Variants in PTPRR observed in about 807,000 individuals in gnomAD.
PTPRR encodes the protein protein tyrosine phosphatase receptor type R.
A neutral mutation model predicts 77.2 loss-of-function variants in PTPRR; 38 were observed. That is an observed-to-expected ratio of 0.49 (90% confidence interval 0.38 to 0.65). PTPRR has a LOEUF of 0.65. PTPRR is among the 30% of genes least tolerant of loss of function. PTPRR has a pLI of 0.00. For synonymous variants in PTPRR, 299 were observed against 283.1 expected (o/e 1.06, Z -0.57); for missense variants, 744 against 799.2 (o/e 0.93, Z 0.83).
chr12:70,670,821 C>G (rs1205370732), intron 10 of PTPRR, among the ~76,000 whole-genome samples: 2 of 152,186 alleles, frequency 1.3e-5, no homozygotes, highest in African/African-American at 2.4e-5. Flanking sequence ...GAGGAATTCC[C>G]TTTCTCTTGA....
At chr12:70,665,438 G>C (rs1886954984) in intron 10 of PTPRR, among the ~76,000 whole-genome samples, 1 of 118,732 alleles carries the variant, frequency 8.4e-6, no homozygotes, top group Non-Finnish European at 1.6e-5. Context: ...TTGGAGTGCA[G>C]TGGCACAATG....
chr12:70,741,090 A>G (rs1233343634), intron 6 of PTPRR, among the ~76,000 whole-genome samples: 1 of 152,194 alleles, frequency 6.6e-6, no homozygotes, highest in Non-Finnish European at 1.5e-5. Context: ...AGTGTTTCCC[A>G]GTAACTGCTG....
intron 2 of PTPRR, among the ~76,000 whole-genome samples, chr12:70,872,481 G>C (rs980313657): frequency 3.3e-5 from 5 of 151,816 alleles, no homozygotes; most frequent in Non-Finnish European, 7.4e-5. Flanking sequence ...GGATCATGAG[G>C]TCAGGAGATC....
chr12:70,810,459 T>A (rs1891789536), intron 2 of PTPRR, among the ~76,000 whole-genome samples: 1 of 152,164 alleles, frequency 6.6e-6, no homozygotes. Context: ...CACGCAAAAA[T>A]TAGTGGCAAA....
At chr12:70,916,680 A>T (rs1393654281) in intron 1 of PTPRR, among the ~76,000 whole-genome samples, 2 of 151,664 alleles carry the variant, frequency 1.3e-5, no homozygotes, top group African/African-American at 2.4e-5. Context: ...AAAATATATC[A>T]TTTACCTGTT....
At chr12:70,833,821 C>T (rs1329576191) in intron 2 of PTPRR, among the ~76,000 whole-genome samples, 1 of 152,168 alleles carries the variant, frequency 6.6e-6, no homozygotes, top group East Asian at 1.9e-4. Context: ...GTATTGAATA[C>T]ATAAAGAACT....
chr12:70,854,361 C>A lies in PTPRR; in HGVS notation c.357+38318G>T, dbSNP rs555994739. ...TTTTTGCAAAATCAAAGCACCACAA[C>A]GAGACACACTGCATTCAGTCGACTT... On this transcript the variant is annotated intron_variant, in intron 2 of 13. Coordinates refer to ENST00000283228, the MANE Select transcript of PTPRR (RefSeq NM_002849.4). Among the ~76,000 whole-genome samples the A allele has an allele frequency of 2.6e-5, 4 of 152,308 alleles. No individual in the cohort carries two copies. The South Asian group carries it at 8.3e-4, about 32-fold the overall frequency.
intron 2 of PTPRR, among the ~76,000 whole-genome samples, chr12:70,826,381 G>A (rs1175999084): frequency 6.6e-6 from 1 of 152,208 alleles, no homozygotes; most frequent in East Asian, 1.9e-4. Flanking sequence ...CAGTGACAGA[G>A]ATGGGGCTCA....
At position 70,846,405 on chromosome 12, in the gene PTPRR, T is replaced by C. The variant is rs1040271051; in HGVS notation, c.357+46274A>G. 4.6e-5 allele frequency among the ~76,000 whole-genome samples: 7 copies of C among 152,280 alleles called. No homozygotes were observed. In the South Asian group the frequency reaches 1.4e-3, roughly 32 times the overall value. On this transcript the variant is annotated intron_variant, in intron 2 of 13. Transcript: ENST00000283228. ...GGAAATGTGGAGCCCTGAACGTAGGTACCTGGCATGGGTAGGCACTTAAGA... is the reference window on the plus strand; with the variant it reads ...GGAAATGTGGAGCCCTGAACGTAGGCACCTGGCATGGGTAGGCACTTAAGA...
At chr12:70,794,060 A>C (rs1891467378) in intron 2 of PTPRR, among the ~76,000 whole-genome samples, 1 of 152,166 alleles carries the variant, frequency 6.6e-6, no homozygotes, top group Admixed American at 6.5e-5. Flanking sequence ...CTATTTAACA[A>C]GGTTTGAAGA....
At chr12:70,779,511 C>A (rs1891158321) in intron 2 of PTPRR, among the ~76,000 whole-genome samples, 1 of 152,202 alleles carries the variant, frequency 6.6e-6, no homozygotes, top group Non-Finnish European at 1.5e-5. Context: ...CCTGACCACT[C>A]TCTATCAGAT....
intron 2 of PTPRR, among the ~76,000 whole-genome samples, chr12:70,868,722 A>G (rs182409715): frequency 8.4e-4 from 128 of 152,248 alleles, no homozygotes; most frequent in African/African-American, 2.5e-3. Flanking sequence ...ATGCTGCTAT[A>G]AAGACACATG....
intron 2 of PTPRR, among the ~76,000 whole-genome samples, chr12:70,859,802 T>G (rs1317496910): frequency 6.6e-6 from 1 of 152,072 alleles, no homozygotes; most frequent in South Asian, 2.1e-4. Flanking sequence ...CCCAAATAAT[T>G]TATCATTCTA....
chr12:70,661,350 CAT>C (rs1197991010), intron 11 of PTPRR: 1 of 389,694 alleles, frequency 2.6e-6, no homozygotes, highest in Non-Finnish European at 4.6e-6. Flanking sequence ...TAATATAGAT[CAT>C]ATAAGTAACA....
At chr12:70,773,038 C>G (rs565507053) in intron 2 of PTPRR, among the ~76,000 whole-genome samples, 1 of 152,130 alleles carries the variant, frequency 6.6e-6, no homozygotes, top group South Asian at 2.1e-4. Context: ...CTTGGGATTC[C>G]TTGGATTACA....
chr12:70,687,576 G>T (rs1235964708), intron 8 of PTPRR, among the ~76,000 whole-genome samples: 1 of 152,182 alleles, frequency 6.6e-6, no homozygotes, highest in Admixed American at 6.6e-5. Context: ...AGACCCTTAG[G>T]TGGCATCCAA....
chr12:70,675,045 T>C (rs1887392497), intron 10 of PTPRR, among the ~76,000 whole-genome samples: 1 of 152,100 alleles, frequency 6.6e-6, no homozygotes, highest in Non-Finnish European at 1.5e-5. Context: ...CATTTTCATC[T>C]GACATTCTTT....
intron 13 of PTPRR, among the ~76,000 whole-genome samples, chr12:70,651,101 G>C (rs76298646): frequency 1.3e-5 from 2 of 152,100 alleles, no homozygotes; most frequent in Non-Finnish European, 2.9e-5. Context: ...TCTTAGTGCC[G>C]CTTGCTTTCC....
At position 70,763,205 on chromosome 12, in the gene PTPRR, T is replaced by C. The variant is rs568678672; in HGVS notation, c.471+1460A>G. On this transcript the variant is annotated intron_variant, in intron 3 of 13. Transcript: ENST00000283228. ...GTGCCATGGAGTGATCTCTGCTCAC[T>C]GCAACTTCCACCTCCTGGGTTCAAG... 2.6e-3 allele frequency among the ~76,000 whole-genome samples: 398 copies of C among 152,228 alleles called. 2 individuals are homozygous for C. Among genetic ancestry groups the C allele is most frequent in the African/African-American group, 9.5e-3 (393 of 41,536 alleles).
Sources: allele counts gnomAD v4.1 joint callset (sites outside exome capture counted in the v4.1 genomes callset), GRCh38; gene constraint gnomAD v4.1.1; transcripts MANE v1.5; gene names NCBI Gene and HGNC (gene_info 2026-07-23, HGNC 2026-07-21).